Variants in KLF7 observed in about 807,000 individuals in gnomAD.
KLF7 encodes the protein KLF transcription factor 7.
KLF7 carries 2 observed loss-of-function variants against 27.3 expected under a neutral mutation model. The observed-to-expected ratio is 0.07, with a 90% CI of 0.03 to 0.23. The LOEUF is 0.23. Ranked by LOEUF, KLF7 falls within the 10% of genes least tolerant of loss-of-function variation. KLF7 has a pLI of 1.00. For missense variants in KLF7, 221 were observed against 394.1 expected (o/e 0.56, Z 3.72); for synonymous variants, 165 against 162.4 (o/e 1.02, Z -0.12).
intron 1 of KLF7, among the ~76,000 whole-genome samples, chr2:207,157,219 T>TAAAAAAAAAAAAAAAA (rs5838052): frequency 1.8e-4 from 16 of 87,270 alleles, no homozygotes; most frequent in South Asian, 4.1e-4. Context: ...AACAGAAAAG[T>TAAAAAAAAAAAAAAAA]AAAAAAAAAA....
At chr2:207,162,730 C>T (rs2078584554) in intron 1 of KLF7, among the ~76,000 whole-genome samples, 1 of 152,192 alleles carries the variant, frequency 6.6e-6, no homozygotes, top group African/African-American at 2.4e-5. Context: ...AATTGTTTAT[C>T]TTCAATTTTC....
chr2:207,166,104 TC>T, upstream of KLF7: 1 of 957,554 alleles, frequency 1.0e-6, no homozygotes, highest in Non-Finnish European at 1.2e-6. Context: ...CTCCTGCTCT[TC>T]CCCCTCCCCA....
the KLF7 span, among the ~76,000 whole-genome samples, chr2:207,173,359 G>C: frequency 6.6e-6 from 1 of 152,138 alleles, no homozygotes; most frequent in Non-Finnish European, 1.5e-5. Flanking sequence ...CACCGCGGCA[G>C]TACTATTGCT....
At chr2:207,173,802 C>G in the KLF7 span, 1 of 152,060 alleles carries the variant, frequency 6.6e-6, no homozygotes, top group Non-Finnish European at 1.5e-5. Context: ...ATTCACCTAC[C>G]ATCATGATAA....
chr2:207,099,551 G>GAGATATATATAT, intron 2 of KLF7, among the ~76,000 whole-genome samples: 1 of 57,574 alleles, frequency 1.7e-5, no homozygotes, highest in South Asian at 4.6e-4. Flanking sequence ...CTACATATGC[G>GAGATATATATAT]ATATATATAT....
intron 2 of KLF7, among the ~76,000 whole-genome samples, chr2:207,113,612 G>GT (rs1553526434): frequency 3.0e-5 from 4 of 131,272 alleles, no homozygotes; most frequent in South Asian, 3.2e-4. Context: ...GGGGGTGGGG[G>GT]GGGGGGGGAA....
chr2:207,131,701 T>C (rs1160357056), intron 1 of KLF7, among the ~76,000 whole-genome samples: 1 of 152,178 alleles, frequency 6.6e-6, no homozygotes, highest in Non-Finnish European at 1.5e-5. Context: ...AAGAATAATA[T>C]GATGTAATGA....
At chr2:207,092,701 C>T (rs548717229) in intron 2 of KLF7, among the ~76,000 whole-genome samples, 1 of 152,266 alleles carries the variant, frequency 6.6e-6, no homozygotes, top group South Asian at 2.1e-4. Context: ...GTCACTCTCC[C>T]TATATCGTGA....
At chr2:207,109,912 A>G (rs1405899020) in intron 2 of KLF7, 1 of 154,862 alleles carries the variant, frequency 6.5e-6, no homozygotes, top group Admixed American at 6.5e-5. Flanking sequence ...GTGGCAAGGG[A>G]TAAGCTAATA....
chr2:207,153,258 T>C (rs2078291851), intron 1 of KLF7, among the ~76,000 whole-genome samples: 1 of 152,178 alleles, frequency 6.6e-6, no homozygotes, highest in South Asian at 2.1e-4. Flanking sequence ...TCAGTTCACA[T>C]GGTTTATTCT....
intron 1 of KLF7, among the ~76,000 whole-genome samples, chr2:207,158,424 C>T (rs1483102204): frequency 6.6e-6 from 1 of 152,194 alleles, no homozygotes; most frequent in African/African-American, 2.4e-5. Flanking sequence ...AAAAGATTTT[C>T]ATCAACTGGT....
At position 207,124,156 on chromosome 2, in the gene KLF7, A is replaced by T; in HGVS notation, c.351T>A (p.Ser117=). ...ETCLSLQPAS[S]SLDSYTAVNQ... is the part of the protein sequence containing the mutation. ...TGACGGCTGTGTAGCTGTCTAGAGA[A>T]GAGCTGGCCGGCTGGAGGCTGAGGC... Residue 117 remains serine (S), a synonymous_variant, in exon 2 of 4, where the codon TCT becomes TCA. Transcript: ENST00000309446. 6.2e-7 allele frequency: 1 copy of T among 1,614,166 alleles called. No individual in the cohort carries two copies. The highest frequency in any genetic ancestry group is 8.5e-7 in the Non-Finnish European group (1 of 1,180,028).
intron 2 of KLF7, among the ~76,000 whole-genome samples, chr2:207,110,546 C>T (rs919041710): frequency 1.3e-5 from 2 of 152,188 alleles, no homozygotes; most frequent in Non-Finnish European, 2.9e-5. Context: ...ACCAGCCTGG[C>T]AGCTGATGTG....
intron 2 of KLF7, among the ~76,000 whole-genome samples, chr2:207,104,885 C>T (rs2076845116): frequency 1.3e-5 from 2 of 152,180 alleles, no homozygotes; most frequent in South Asian, 4.1e-4. Context: ...TATATAATAG[C>T]TGTTCTAACT....
In KLF7 at chr2:207,080,235, T is replaced by C. The variant is rs1381932662; in HGVS notation, c.*978A>G. ...GAGAGTCCTGGAGAGGTTTAGTCCA[T>C]GGAGAAAAGATAAAACATTTAAGCT... On this transcript the variant is annotated 3_prime_UTR_variant, in exon 4 of 4. Coordinates refer to ENST00000309446, the MANE Select transcript of KLF7 (RefSeq NM_003709.4). 1 of 152,102 alleles carries C rather than the reference T, an allele frequency of 6.6e-6. No individual in the cohort carries two copies. The highest frequency in any genetic ancestry group is 1.5e-5 in the Non-Finnish European group (1 of 68,028). The allele number at this position is 152,102 out of a possible 1,614,324, so 9.4% of individuals were successfully genotyped here.
intron 1 of KLF7, among the ~76,000 whole-genome samples, chr2:207,144,163 GGGGA>G (rs1203730214): frequency 3.0e-5 from 3 of 98,872 alleles, no homozygotes; most frequent in Admixed American, 1.1e-4. Flanking sequence ...TCACAGCGGG[GGGGA>G]GAAAAAAAAA....
intron 1 of KLF7, among the ~76,000 whole-genome samples, chr2:207,147,929 C>T (rs2078142039): frequency 6.6e-6 from 1 of 152,048 alleles, no homozygotes; most frequent in Non-Finnish European, 1.5e-5. Flanking sequence ...CCATGTTTTC[C>T]AATAAAGCTA....
At chr2:207,088,290 G>C (rs1190229947) in intron 3 of KLF7, among the ~76,000 whole-genome samples, 168 bp downstream of exon 3, 2 of 152,142 alleles carry the variant, frequency 1.3e-5, no homozygotes, top group African/African-American at 4.8e-5. Context: ...TTTCATGCAA[G>C]AGGGCACCCC....
chr2:207,149,202 TGAG>T (rs1287287472), intron 1 of KLF7: 2 of 1,273,058 alleles, frequency 1.6e-6, no homozygotes, highest in African/African-American at 3.1e-5. Flanking sequence ...AATAATTTTC[TGAG>T]GAGAAAAAAT....
Sources: allele counts gnomAD v4.1 joint callset (sites outside exome capture counted in the v4.1 genomes callset), GRCh38; gene constraint gnomAD v4.1.1; transcripts MANE v1.5; gene names NCBI Gene and HGNC (gene_info 2026-07-23, HGNC 2026-07-21).